Variants in POLR3G observed in about 807,000 individuals in gnomAD.
POLR3G encodes RNA polymerase III subunit G.
Under a neutral mutation model 30.1 loss-of-function variants are expected in POLR3G, and 28 were observed. The observed-to-expected ratio is 0.93, with a 90% confidence interval of 0.69 to 1.27. The LOEUF (loss-of-function observed/expected upper bound fraction) is 1.27, where lower values mean the gene tolerates loss of function less well. Among genes scored for constraint, POLR3G ranks in the 50% most tolerant of loss-of-function variants. The pLI is 0.00. For synonymous variants in POLR3G, 79 were observed against 82.5 expected (o/e 0.96, Z 0.23); for missense variants, 254 against 264.6 (o/e 0.96, Z 0.28).
At chr5:90,507,088 G>A (rs1752523701) in intron 7 of POLR3G, among the ~76,000 whole-genome samples, 1 of 152,232 alleles carries the variant, frequency 6.6e-6, no homozygotes, top group South Asian at 2.1e-4. Context: ...GATACTATCA[G>A]AGAAGATTGA....
In POLR3G at chr5:90,512,196, CTT is replaced by C; in HGVS notation, c.*58_*59del. The stretch of plus-strand genomic sequence containing the variant: ...TGCAGCTTCTGAACATTTGGACAGA[CTT>C]GATTTGTATTTTATTTCTGATAAGG... On this transcript the variant is annotated 3_prime_UTR_variant, in exon 8 of 8. Transcript: ENST00000651687. The C allele has an allele frequency of 9.5e-7, 1 of 1,057,672 alleles. No individual in the cohort carries two copies. Among genetic ancestry groups the C allele is most frequent in the South Asian group, 1.3e-5 (1 of 76,728 alleles). The allele number at this position is 1,057,672 out of a possible 1,614,324, so 65.5% of individuals were successfully genotyped here.
At chr5:90,491,915 A>G (rs931951375) in intron 3 of POLR3G, among the ~76,000 whole-genome samples, 2 of 152,202 alleles carry the variant, frequency 1.3e-5, no homozygotes, top group African/African-American at 4.8e-5. Flanking sequence ...GTGTTGTCCA[A>G]AGCATTACAT....
chr5:90,496,921 T>A (rs1268404664), intron 4 of POLR3G, among the ~76,000 whole-genome samples: 15 of 152,224 alleles, frequency 9.9e-5, no homozygotes, highest in Non-Finnish European at 1.5e-5. Context: ...AATGAATAGC[T>A]TATAAAAACT....
Position 90,485,692 on chromosome 5 carries a change from T to C in POLR3G, c.117+8T>C. ...CCACCCCCACTATTTCCTGTAAGTA[T>C]ATGAACAGTTGAATTCTCATAGTGT... On this transcript the variant is annotated splice_region_variant and intron_variant, in intron 2 of 7. Transcript: ENST00000651687. 6.3e-7 allele frequency: 1 copy of C among 1,578,658 alleles called. No individual in the cohort carries two copies. The highest frequency in any genetic ancestry group is 8.7e-7 in the Non-Finnish European group (1 of 1,149,746).
intron 6 of POLR3G, chr5:90,502,446 G>A: frequency 1.3e-6 from 1 of 781,384 alleles, no homozygotes; most frequent in South Asian, 5.9e-5. Context: ...TATTTTTATA[G>A]CTTTCTTTAT....
At chr5:90,510,223 A>C (rs1752673065) in intron 7 of POLR3G, among the ~76,000 whole-genome samples, 1 of 152,052 alleles carries the variant, frequency 6.6e-6, no homozygotes, top group Non-Finnish European at 1.5e-5. Context: ...CTAAAAATAC[A>C]AAAAATTAGC....
chr5:90,487,582 A>G (rs1231293645), intron 2 of POLR3G, among the ~76,000 whole-genome samples: 8 of 151,592 alleles, frequency 5.3e-5, no homozygotes, highest in Admixed American at 5.3e-4. Context: ...TAATGGAGAC[A>G]GGGTTTCACC....
chr5:90,476,565 G>T (rs539409903), intron 1 of POLR3G, among the ~76,000 whole-genome samples: 12 of 152,250 alleles, frequency 7.9e-5, no homozygotes, highest in African/African-American at 2.6e-4. Context: ...TTTTCTCTAG[G>T]CAGAAGCAAG....
intron 3 of POLR3G, among the ~76,000 whole-genome samples, chr5:90,494,123 T>G (rs1234930685): frequency 6.6e-6 from 1 of 152,202 alleles, no homozygotes; most frequent in Non-Finnish European, 1.5e-5. Context: ...ATCTGCTTTC[T>G]GTCTCTAGAG....
chr5:90,504,358 A>ACT (rs566996396), intron 6 of POLR3G, among the ~76,000 whole-genome samples: 4,612 of 152,154 alleles, frequency 0.03, 203 homozygotes, highest in African/African-American at 0.11. Context: ...CAGGAGATCG[A>ACT]GACCATCCTG....
intron 7 of POLR3G, 124 bp downstream of exon 7, chr5:90,506,798 T>C (rs1242621994): frequency 9.7e-5 from 131 of 1,344,690 alleles, no homozygotes; most frequent in Non-Finnish European, 1.2e-4. Flanking sequence ...AGTATATTAT[T>C]ATCAATGGCA....
chr5:90,493,822 C>T (rs1265697150), intron 3 of POLR3G, among the ~76,000 whole-genome samples: 2 of 149,866 alleles, frequency 1.3e-5, no homozygotes, highest in Non-Finnish European at 3.0e-5. Flanking sequence ...ATTCTCTTGC[C>T]GCAGTCTCCC....
intron 5 of POLR3G, among the ~76,000 whole-genome samples, chr5:90,498,070 A>G (rs1752073749): frequency 6.6e-6 from 1 of 152,182 alleles, no homozygotes. Context: ...AAACTGCACC[A>G]CTGCACTTAA....
chr5:90,474,639 G>A (rs1750687447), upstream of POLR3G: 2 of 313,596 alleles, frequency 6.4e-6, no homozygotes, highest in South Asian at 6.2e-5. Context: ...GGTGGCGACC[G>A]TTTCGCCACC....
chr5:90,487,805 AAT>A (rs1300317935), intron 2 of POLR3G, among the ~76,000 whole-genome samples, 193 bp from the exon 3 acceptor site: 2 of 152,162 alleles, frequency 1.3e-5, no homozygotes, highest in African/African-American at 4.8e-5. Context: ...TCTTACCTCT[AAT>A]AGAAGAGCAA....
Position 90,495,603 on chromosome 5 carries a change from A to G in POLR3G, c.248-74A>G, listed in dbSNP as rs192962815. 2,365 of 1,546,160 alleles carry G rather than the reference A, an allele frequency of 1.5e-3. 3 individuals carry two copies. The highest frequency in any genetic ancestry group is 2.0e-3 in the Non-Finnish European group (2,289 of 1,147,202). ...AAAATGTTGTCTGTTGTTTTCAATA[A>G]TCTTAAAGGAATGGCTTAAGTTCAG... is the stretch of plus-strand genomic sequence containing the variant. On this transcript the variant is annotated intron_variant, in intron 3 of 7. Coordinates refer to ENST00000651687, the MANE Select transcript of POLR3G (RefSeq NM_006467.3).
intron 3 of POLR3G, among the ~76,000 whole-genome samples, chr5:90,492,788 A>G (rs918525743): frequency 1.4e-5 from 2 of 143,432 alleles, no homozygotes; most frequent in Non-Finnish European, 3.1e-5. Context: ...AGACTGAGGC[A>G]GGAGAGTGGA....
At chr5:90,474,313 G>A, upstream of POLR3G, 2 of 1,608,600 alleles carry the variant, frequency 1.2e-6, no homozygotes, top group Non-Finnish European at 1.7e-6. Flanking sequence ...GGTGCAGCCA[G>A]GCGGGGTGAG....
At chr5:90,476,645 T>C (rs932107127) in intron 1 of POLR3G, among the ~76,000 whole-genome samples, 1 of 152,236 alleles carries the variant, frequency 6.6e-6, no homozygotes, top group Non-Finnish European at 1.5e-5. Context: ...CCAATAATCA[T>C]TGGCCTTTTG....
Sources: gnomAD v4.1 joint callset for allele counts (sites outside exome capture counted in the v4.1 genomes callset) on GRCh38, gnomAD v4.1.1 for gene constraint, MANE v1.5 for transcripts, NCBI Gene and HGNC (gene_info 2026-07-23, HGNC 2026-07-21) for gene names.